The following H4C8 variants were observed in gnomAD, a reference collection of about 807,000 sequenced individuals.
H4C8 encodes the protein H4 clustered histone 8.
H4C8 carries 8 observed loss-of-function variants against 6.0 expected under a neutral mutation model. That is an observed-to-expected ratio of 1.33 (90% CI 0.78 to 2.40). The LOEUF (loss-of-function observed/expected upper bound fraction) is 2.40, where lower values mean the gene tolerates loss of function less well. H4C8 is among the 30% of genes most tolerant of loss of function. The probability of loss-of-function intolerance (pLI) is 0.00; values close to 1 mark genes in which losing one functional copy is unlikely to be tolerated. For missense variants in H4C8, 211 were observed against 143.4 expected (o/e 1.47, Z -2.41); for synonymous variants, 118 against 51.9 (o/e 2.27, Z -5.47).
chr6:26,285,130 C>T lies in H4C8; in HGVS notation c.*58G>A, dbSNP rs979140044. ...TCTGCTCTTTTATGAAAAAAGTGGG[C>T]GGCCCTGAAAAGGGCCTTTGGTTGA... is the stretch of plus-strand genomic sequence containing the variant. On this transcript the variant is annotated 3_prime_UTR_variant, in exon 1 of 1. Coordinates refer to ENST00000377727, the MANE Select transcript of H4C8 (RefSeq NM_003543.4). 3 of 1,504,366 alleles carry T rather than the reference C, an allele frequency of 2.0e-6. No individual in the cohort carries two copies. The highest frequency in any genetic ancestry group is 1.4e-5 in the African/African-American group (1 of 71,456). 93.2% of individuals were successfully genotyped at this position (1,504,366 alleles called of 1,614,324 possible).
In H4C8 at chr6:26,285,151, G is replaced by A; in HGVS notation, c.*37C>T. On this transcript the variant is annotated 3_prime_UTR_variant, in exon 1 of 1. Coordinates refer to ENST00000377727, the MANE Select transcript of H4C8 (RefSeq NM_003543.4). ...TGGGCGGCCCTGAAAAGGGCCTTTGGTTGAAAATGAAAATAAGAGTGCAGC... is the reference window on the plus strand; with the variant it reads ...TGGGCGGCCCTGAAAAGGGCCTTTGATTGAAAATGAAAATAAGAGTGCAGC... 6.5e-7 allele frequency: 1 copy of A among 1,533,922 alleles called. No homozygotes were observed. The highest frequency in any genetic ancestry group is 8.8e-7 in the Non-Finnish European group (1 of 1,138,212).
chr6:26,285,160 GAAAAT>G lies in H4C8; in HGVS notation c.*23_*27del, dbSNP rs748540041. On this transcript the variant is annotated 3_prime_UTR_variant, in exon 1 of 1. Transcript: ENST00000377727. ...CTGAAAAGGGCCTTTGGTTGAAAAT[GAAAAT>G]AAGAGTGCAGCAAGCAGGAGCCTTA... 6.5e-7 allele frequency: 1 copy of G among 1,540,580 alleles called. No individual in the cohort carries two copies. Among genetic ancestry groups the G allele is most frequent in the Non-Finnish European group, 8.8e-7 (1 of 1,141,152 alleles).
Position 26,285,247 on chromosome 6 carries a change from T to C in H4C8, c.253A>G (p.Met85Val), listed in dbSNP as rs865924168. 2.5e-6 allele frequency: 4 copies of C among 1,613,876 alleles called. No individual in the cohort carries two copies. Among genetic ancestry groups the C allele is most frequent in the South Asian group, 2.2e-5 (2 of 91,084 alleles). The part of the protein sequence containing the change: ...EHAKRKTVTA[M>V]DVVYALKRQG... ...CGCTTCAGCGCGTAGACCACATCCA[T>C]TGCTGTCACGGTCTTGCGTTTGGCG... The change falls in exon 1 of 1, where the codon ATG becomes GTG. Residue 85 changes from methionine to valine, a missense_variant. Transcript: ENST00000377727.
rs1561771555 is a variant in H4C8, at chr6:26,285,510, CT to C, written c.-12del. 6.3e-7 allele frequency: 1 copy of C among 1,579,940 alleles called. No homozygotes were observed. Among genetic ancestry groups the C allele is most frequent in the Admixed American group, 1.8e-5 (1 of 56,038 alleles). On this transcript the variant is annotated 5_prime_UTR_variant, in exon 1 of 1. Coordinates refer to ENST00000377727, the MANE Select transcript of H4C8 (RefSeq NM_003543.4). ...ACCACGGCCAGACATGACTAAGCAA[CT>C]TCTAAAACCAACTTAAGAAACCTAA...
Position 26,285,453 on chromosome 6 carries a change from G to GC in H4C8, c.46dup (p.Ala16GlyfsTer2), listed in dbSNP as rs756014793. ...GCGCAAAACCTTGCGATGACGCTTA[G>GC]CTCCTCCCTTACCCAAACCTTTTCC... On this transcript the variant is annotated frameshift_variant, in exon 1 of 1. Transcript: ENST00000377727. LOFTEE classifies it high-confidence loss of function. The GC allele has an allele frequency of 2.5e-6, 4 of 1,613,590 alleles. No homozygotes were observed. Among genetic ancestry groups the GC allele is most frequent in the Non-Finnish European group, 2.5e-6 (3 of 1,179,574 alleles).
At position 26,285,191 on chromosome 6, in the gene H4C8, G is replaced by A. The variant is rs140553626; in HGVS notation, c.309C>T (p.Gly103=). ...RQGRTLYGFG[G] ...AAGAGTGCAGCAAGCAGGAGCCTTA[G>A]CCACCGAAGCCGTAAAGAGTGCGTC... Residue 103 remains glycine, a synonymous_variant, in exon 1 of 1, where the codon GGC becomes GGT. Coordinates refer to ENST00000377727, the MANE Select transcript of H4C8 (RefSeq NM_003543.4). 3.1e-6 allele frequency: 5 copies of A among 1,588,560 alleles called. No individual in the cohort carries two copies. The highest frequency in any genetic ancestry group is 1.3e-5 in the African/African-American group (1 of 74,318).
Position 26,285,129 on chromosome 6 carries a change from G to A in H4C8, c.*59C>T. ...GTCTGCTCTTTTATGAAAAAAGTGG[G>A]CGGCCCTGAAAAGGGCCTTTGGTTG... On this transcript the variant is annotated 3_prime_UTR_variant, in exon 1 of 1. Transcript: ENST00000377727. 3 of 1,506,942 alleles carry A rather than the reference G, an allele frequency of 2.0e-6. No homozygotes were observed. Among genetic ancestry groups the A allele is most frequent in the Non-Finnish European group, 2.7e-6 (3 of 1,124,872 alleles). 93.3% of individuals were successfully genotyped at this position (1,506,942 alleles called of 1,614,324 possible).
At position 26,285,337 on chromosome 6, in the gene H4C8, T is replaced by C. The variant is rs762975969; in HGVS notation, c.163A>G (p.Thr55Ala). Reference protein sequence around the residue: ...KRISGLIYEETRGVLKVFLEN... With the variant: ...KRISGLIYEEARGVLKVFLEN... The stretch of plus-strand genomic sequence containing the variant: ...AGGAACACCTTCAGAACACCACGAG[T>C]CTCCTCATAGATAAGGCCAGAAATT... The change falls in exon 1 of 1, where the codon ACT becomes GCT. Residue 55 changes from threonine (T) to alanine (A), a missense_variant. Coordinates refer to ENST00000377727, the MANE Select transcript of H4C8 (RefSeq NM_003543.4). The C allele has an allele frequency of 1.2e-6, 2 of 1,613,982 alleles. No individual in the cohort carries two copies. Among genetic ancestry groups the C allele is most frequent in the South Asian group, 2.2e-5 (2 of 91,080 alleles).
In H4C8 at chr6:26,285,461, C is replaced by T. The variant is rs771694052; in HGVS notation, c.39G>A (p.Lys13=). The T allele has an allele frequency of 3.5e-5, 56 of 1,611,610 alleles. 1 individual carries two copies. Among genetic ancestry groups the T allele is most frequent in the East Asian group, 8.9e-5 (4 of 44,822 alleles). The change falls in exon 1 of 1, where the codon AAG becomes AAA. Residue 13 remains lysine, a synonymous_variant. Transcript: ENST00000377727. ...CCTTGCGATGACGCTTAGCTCCTCC[C>T]TTACCCAAACCTTTTCCACCTTTAC... The part of the protein sequence containing the change: ...GRGKGGKGLG[K]GGAKRHRKVL...
At position 26,285,442 on chromosome 6, in the gene H4C8, G is replaced by C. The variant is rs752731488; in HGVS notation, c.58C>G (p.Arg20Gly). 3.1e-6 allele frequency: 5 copies of C among 1,614,168 alleles called. No individual in the cohort carries two copies. The highest frequency in any genetic ancestry group is 4.2e-6 in the Non-Finnish European group (5 of 1,179,984). ...GLGKGGAKRH[R>G]KVLRDNIQGI... ...TGGATGTTATCGCGCAAAACCTTGC[G>C]ATGACGCTTAGCTCCTCCCTTACCC... The change falls in exon 1 of 1, where the codon CGC becomes GGC. Residue 20 changes from arginine to glycine, a missense_variant. Arg to Gly is a moderately radical substitution (Grantham distance 125). Coordinates refer to ENST00000377727, the MANE Select transcript of H4C8 (RefSeq NM_003543.4).
rs981333919 is a variant in H4C8 at position 26,285,311 on chromosome 6, C to T, written c.189G>A (p.Leu63=). ...EETRGVLKVF[L]ENVIRDAVTY... is the part of the protein sequence containing the mutation. Reference sequence around the variant, plus strand: ...TGACAGCGTCACGAATCACGTTCTCCAGGAACACCTTCAGAACACCACGAG... The same window carrying T: ...TGACAGCGTCACGAATCACGTTCTCTAGGAACACCTTCAGAACACCACGAG... The change falls in exon 1 of 1, where the codon CTG becomes CTA. Residue 63 remains leucine, a synonymous_variant. Transcript: ENST00000377727. 6.2e-7 allele frequency: 1 copy of T among 1,614,220 alleles called. No individual in the cohort carries two copies. Among genetic ancestry groups the T allele is most frequent in the Non-Finnish European group, 8.5e-7 (1 of 1,180,048 alleles).
rs779339553 is a variant in H4C8 at position 26,285,306 on chromosome 6, T to G, written c.194A>C (p.Asn65Thr). The G allele has an allele frequency of 3.7e-6, 6 of 1,614,220 alleles. No individual in the cohort carries two copies. In the Admixed American group the frequency reaches 1.0e-4, roughly 27 times the overall value. Reference protein sequence around the residue: ...TRGVLKVFLENVIRDAVTYTE... With the variant: ...TRGVLKVFLETVIRDAVTYTE... ...GTAAGTGACAGCGTCACGAATCACG[T>G]TCTCCAGGAACACCTTCAGAACACC... Residue 65 changes from asparagine to threonine, a missense_variant, in exon 1 of 1, where the codon AAC (asparagine) becomes ACC (threonine). By Grantham distance (65) the Asn-to-Thr change is moderately conservative (BLOSUM62 0). Transcript: ENST00000377727.
Position 26,285,337 on chromosome 6 carries a change from TCTC to T in H4C8, c.160_162del (p.Glu54del). ...AGGAACACCTTCAGAACACCACGAG[TCTC>T]CTCATAGATAAGGCCAGAAATTCGC... On this transcript the variant is annotated inframe_deletion, in exon 1 of 1. Transcript: ENST00000377727. 1.2e-6 allele frequency: 2 copies of T among 1,613,982 alleles called. No individual in the cohort carries two copies. The highest frequency in any genetic ancestry group is 1.7e-6 in the Non-Finnish European group (2 of 1,179,996).
In H4C8 at chr6:26,285,392, C is replaced by T. The variant is rs1323358751; in HGVS notation, c.108G>A (p.Arg36=). The T allele has an allele frequency of 6.2e-7, 1 of 1,614,236 alleles. No homozygotes were observed. The highest frequency in any genetic ancestry group is 8.5e-7 in the Non-Finnish European group (1 of 1,180,038). ...NIQGITKPAI[R]RLARRGGVKR... ...TGACACCGCCGCGACGAGCAAGGCGCCGGATAGCTGGCTTAGTGATGCCCT... is the reference window on the plus strand; with the variant it reads ...TGACACCGCCGCGACGAGCAAGGCGTCGGATAGCTGGCTTAGTGATGCCCT... Residue 36 remains arginine, a synonymous_variant, in exon 1 of 1, where the codon CGG becomes CGA. Coordinates refer to ENST00000377727, the MANE Select transcript of H4C8 (RefSeq NM_003543.4).
chr6:26,285,441 C>G lies in H4C8; in HGVS notation c.59G>C (p.Arg20Pro). 6.2e-7 allele frequency: 1 copy of G among 1,614,138 alleles called. No individual in the cohort carries two copies. Among genetic ancestry groups the G allele is most frequent in the Non-Finnish European group, 8.5e-7 (1 of 1,179,954 alleles). The part of the protein sequence containing the change: ...GLGKGGAKRH[R>P]KVLRDNIQGI... ...CTGGATGTTATCGCGCAAAACCTTG[C>G]GATGACGCTTAGCTCCTCCCTTACC... The change falls in exon 1 of 1, where the codon CGC becomes CCC. Residue 20 changes from arginine to proline, a missense_variant. Physicochemically the swap from Arg to Pro is moderately radical, Grantham distance 103. Coordinates refer to ENST00000377727, the MANE Select transcript of H4C8 (RefSeq NM_003543.4).
chr6:26,285,209 A>T lies in H4C8; in HGVS notation c.291T>A (p.Thr97=), dbSNP rs370406254. The T allele has an allele frequency of 2.7e-5, 43 of 1,602,244 alleles. No homozygotes were observed. In the Middle Eastern group the frequency reaches 9.9e-4, roughly 37 times the overall value. The change falls in exon 1 of 1, where the codon ACT becomes ACA. Residue 97 remains threonine, a synonymous_variant. Coordinates refer to ENST00000377727, the MANE Select transcript of H4C8 (RefSeq NM_003543.4). The part of the protein sequence containing the change: ...VVYALKRQGR[T]LYGFGG The stretch of plus-strand genomic sequence containing the variant: ...AGCCTTAGCCACCGAAGCCGTAAAG[A>T]GTGCGTCCCTGTCGCTTCAGCGCGT...
In H4C8 at chr6:26,285,391, G is replaced by A. The variant is rs1310300209; in HGVS notation, c.109C>T (p.Arg37Cys). ...TTGACACCGCCGCGACGAGCAAGGC[G>A]CCGGATAGCTGGCTTAGTGATGCCC... The part of the protein sequence containing the change: ...IQGITKPAIR[R>C]LARRGGVKRI... The change falls in exon 1 of 1, where the codon CGC becomes TGC. Residue 37 changes from arginine (R) to cysteine (C), a missense_variant. Physicochemically the swap from Arg to Cys is radical, Grantham distance 180. Transcript: ENST00000377727. 1 of 1,614,250 alleles carries A rather than the reference G, an allele frequency of 6.2e-7. No homozygotes were observed. Among genetic ancestry groups the A allele is most frequent in the Admixed American group, 1.7e-5 (1 of 60,028 alleles).
rs778648363 is a variant in H4C8 at position 26,285,138 on chromosome 6, A to G, written c.*50T>C. On this transcript the variant is annotated 3_prime_UTR_variant, in exon 1 of 1. Transcript: ENST00000377727. ...TTTATGAAAAAAGTGGGCGGCCCTG[A>G]AAAGGGCCTTTGGTTGAAAATGAAA... The G allele has an allele frequency of 6.6e-7, 1 of 1,521,284 alleles. No individual in the cohort carries two copies. The highest frequency in any genetic ancestry group is 2.3e-5 in the East Asian group (1 of 44,036). 94.2% of individuals were successfully genotyped at this position (1,521,284 alleles called of 1,614,324 possible).
Position 26,285,394 on chromosome 6 carries a change from G to GCT in H4C8, c.105_106insAG (p.Arg36SerfsTer25), listed in dbSNP as rs1561771355. ...ACACCGCCGCGACGAGCAAGGCGCC[G>GCT]GATAGCTGGCTTAGTGATGCCCTGG... On this transcript the variant is annotated frameshift_variant, in exon 1 of 1. Transcript: ENST00000377727. LOFTEE classifies it high-confidence loss of function. 2.5e-6 allele frequency: 4 copies of GCT among 1,614,226 alleles called. No individual in the cohort carries two copies. The East Asian group carries it at 8.9e-5, about 36-fold the overall frequency.
Sources: gnomAD v4.1 joint callset for allele counts on GRCh38, gnomAD v4.1.1 for gene constraint, MANE v1.5 for transcripts, NCBI Gene and HGNC (gene_info 2026-07-23, HGNC 2026-07-21) for gene names.